CDH9: variants seen among roughly 807,000 people sequenced by gnomAD.
CDH9 encodes cadherin-9.
A neutral mutation model predicts 70.9 loss-of-function variants in CDH9; 28 were observed. That is an observed-to-expected ratio of 0.40 (90% CI 0.29 to 0.54). The LOEUF (loss-of-function observed/expected upper bound fraction) is 0.54, where lower values mean the gene tolerates loss of function less well. Among genes scored for constraint, CDH9 ranks in the 20% least tolerant of loss-of-function variants. The pLI is 0.59. For synonymous variants in CDH9, 409 were observed against 343.1 expected, an observed-to-expected ratio of 1.19 and a Z score of -2.12; for missense variants, 874 against 984.4, an observed-to-expected ratio of 0.89 and a Z score of 1.50.
chr5:26,954,848 T>C (rs1056792600), intron 2 of CDH9, among the ~76,000 whole-genome samples: 1 of 152,176 alleles, frequency 6.6e-6, no homozygotes, highest in East Asian at 1.9e-4. Context: ...CTGTGTCACG[T>C]ATGTCATCAT....
chr5:26,986,386 A>T (rs1280349031), intron 2 of CDH9, among the ~76,000 whole-genome samples: 5 of 152,138 alleles, frequency 3.3e-5, no homozygotes, highest in Admixed American at 1.3e-4. Flanking sequence ...ACATTTAGTA[A>T]TTGTTTATGA....
At chr5:26,881,964 A>C (rs1579658586) in intron 11 of CDH9, among the ~76,000 whole-genome samples, 1 of 152,106 alleles carries the variant, frequency 6.6e-6, no homozygotes, top group East Asian at 1.9e-4. Flanking sequence ...AAAAACACTA[A>C]AGCTCTACTC....
intron 1 of CDH9, among the ~76,000 whole-genome samples, chr5:27,022,151 A>AT (rs937983611): frequency 1.2e-4 from 18 of 152,076 alleles, no homozygotes; most frequent in African/African-American, 4.1e-4. Flanking sequence ...CTTACAGAGA[A>AT]TTTTTTTAAT....
At chr5:26,988,413 A>G in intron 1 of CDH9, 31 bp from the exon 2 acceptor site, 1 of 1,535,830 alleles carries the variant, frequency 6.5e-7, no homozygotes, top group South Asian at 1.2e-5. Flanking sequence ...AAATGGCTGT[A>G]TTAGCTTGAG....
At chr5:26,998,972 C>A (rs1411259775) in intron 1 of CDH9, among the ~76,000 whole-genome samples, 1 of 151,994 alleles carries the variant, frequency 6.6e-6, no homozygotes, top group African/African-American at 2.4e-5. Context: ...TGAGGCCGGG[C>A]GTGGTGGCTC....
At chr5:26,988,429 C>T in intron 1 of CDH9, 47 bp from the exon 2 acceptor site, 1 of 1,479,344 alleles carries the variant, frequency 6.8e-7, no homozygotes, top group Non-Finnish European at 9.0e-7. Context: ...TTGAGTTTCA[C>T]TTTCCCACAA....
intron 1 of CDH9, among the ~76,000 whole-genome samples, chr5:26,996,546 A>G (rs1026282117): frequency 5.9e-5 from 9 of 152,026 alleles, no homozygotes; most frequent in Admixed American, 5.2e-4. Flanking sequence ...TAAAGAACAC[A>G]TTCTATAAAT....
At chr5:27,021,420 A>G (rs1166433625) in intron 1 of CDH9, among the ~76,000 whole-genome samples, 1 of 151,870 alleles carries the variant, frequency 6.6e-6, no homozygotes, top group Non-Finnish European at 1.5e-5. Context: ...TATTAATTAA[A>G]ATCTCTTCCT....
At chr5:26,933,592 GGT>G (rs1430611051) in intron 2 of CDH9, among the ~76,000 whole-genome samples, 1 of 151,868 alleles carries the variant, frequency 6.6e-6, no homozygotes, top group Non-Finnish European at 1.5e-5. Context: ...AGGCCAACAT[GGT>G]GAAACTCCAT....
chr5:27,030,620 C>T (rs1256373973), intron 1 of CDH9, among the ~76,000 whole-genome samples: 1 of 151,132 alleles, frequency 6.6e-6, no homozygotes, highest in Non-Finnish European at 1.5e-5. Context: ...AAGGAGAAGA[C>T]TTAACTGCTT....
intron 2 of CDH9, among the ~76,000 whole-genome samples, chr5:26,967,135 G>A (rs1436944213): frequency 2.0e-5 from 3 of 151,332 alleles, no homozygotes; most frequent in African/African-American, 7.3e-5. Context: ...TTATTTTTTT[G>A]TGGATACAGG....
chr5:26,945,160 G>A (rs1448270267), intron 2 of CDH9, among the ~76,000 whole-genome samples: 1 of 150,084 alleles, frequency 6.7e-6, no homozygotes, highest in African/African-American at 2.5e-5. Context: ...TACTCCAATT[G>A]TCCTCTTAAA....
At chr5:27,003,399 C>T (rs766297107) in intron 1 of CDH9, among the ~76,000 whole-genome samples, 1 of 152,068 alleles carries the variant, frequency 6.6e-6, no homozygotes, top group Non-Finnish European at 1.5e-5. Context: ...GTGTAGGATG[C>T]ACAGAGTAAT....
chr5:26,978,546 G>A (rs1363739696), intron 2 of CDH9, among the ~76,000 whole-genome samples: 1 of 151,126 alleles, frequency 6.6e-6, no homozygotes, highest in African/African-American at 2.4e-5. Context: ...TGTATTTGAA[G>A]TTTCTAAAAG....
At chr5:26,952,651 A>AG (rs1186109624) in intron 2 of CDH9, among the ~76,000 whole-genome samples, 4 of 145,662 alleles carry the variant, frequency 2.7e-5, no homozygotes, top group African/African-American at 5.1e-5. Context: ...AAAAAAAAAA[A>AG]AAAAGAAAGA....
intron 1 of CDH9, among the ~76,000 whole-genome samples, chr5:27,032,163 C>T (rs1743320572): frequency 6.6e-6 from 1 of 151,110 alleles, no homozygotes; most frequent in African/African-American, 2.4e-5. Context: ...CTGAAATAGC[C>T]CTATAATATT....
intron 1 of CDH9, among the ~76,000 whole-genome samples, chr5:27,001,844 A>ACACTCTCTCTCTCTCTCTCTCT (rs1312157550): frequency 5.6e-5 from 8 of 142,060 alleles, no homozygotes; most frequent in African/African-American, 2.2e-4. Context: ...ACACACACAC[A>ACACTCTCTCTCTCTCTCTCTCT]CTCTCTCTCT....
At chr5:26,891,753 AAAGAG>A (rs1561184838) in intron 7 of CDH9, among the ~76,000 whole-genome samples, 1 of 152,270 alleles carries the variant, frequency 6.6e-6, no homozygotes, top group African/African-American at 2.4e-5. Context: ...CAGAAGAAAA[AAAGAG>A]AAGAGATTTG....
In CDH9 at chr5:26,886,040, C is replaced by T. The variant is rs1740560607; in HGVS notation, c.1556G>A (p.Arg519Gln). The T allele has an allele frequency of 1.2e-6, 2 of 1,611,190 alleles. No individual in the cohort carries two copies. The highest frequency in any genetic ancestry group is 1.7e-6 in the Non-Finnish European group (2 of 1,179,316). Residue 519 changes from arginine to glutamine, a missense_variant, in exon 10 of 12, where the codon CGA (arginine) becomes CAA (glutamine). Arg to Gln is a conservative substitution (Grantham distance 43, BLOSUM62 1). Transcript: ENST00000231021. ...TGGTTCAAAAAAGAATTTGTGACCT[C>T]GGGGAGGGTCATCCTTATCCATGAC... ...VSVMDKDDPP[R>Q]GHKFFFEPVP... is the part of the protein sequence containing the mutation.
Sources: allele counts gnomAD v4.1 joint callset (sites outside exome capture counted in the v4.1 genomes callset), GRCh38; gene constraint gnomAD v4.1.1; transcripts MANE v1.5; gene names NCBI Gene and HGNC (gene_info 2026-07-23, HGNC 2026-07-21).